MMS22L: variants seen among roughly 807,000 people sequenced by gnomAD.
MMS22L encodes MMS22 like, DNA repair protein, also known as protein MMS22-like.
A neutral mutation model predicts 159.1 loss-of-function variants in MMS22L; 74 were observed. The ratio of observed to expected loss-of-function variants is 0.47; its 90% CI spans 0.39 to 0.56. MMS22L has a LOEUF of 0.56. Among genes scored for constraint, MMS22L ranks in the 20% least tolerant of loss-of-function variants. The pLI is 0.00. For synonymous variants in MMS22L, 517 were observed against 506.9 expected, an observed-to-expected ratio of 1.02 and a Z score of -0.27; for missense variants, 1,351 against 1,422.1, an observed-to-expected ratio of 0.95 and a Z score of 0.80.
chr6:97,187,851 G>A (rs1166313330), intron 14 of MMS22L, among the ~76,000 whole-genome samples: 1 of 152,116 alleles, frequency 6.6e-6, no homozygotes, highest in East Asian at 1.9e-4. Context: ...CCAAGAGTGA[G>A]TAAAAATTCT....
chr6:97,210,814 T>C (rs1195531414), intron 14 of MMS22L, among the ~76,000 whole-genome samples: 1 of 152,000 alleles, frequency 6.6e-6, no homozygotes, highest in African/African-American at 2.4e-5. Context: ...AATTCTGAAA[T>C]AGCTGGACCA....
chr6:97,142,941 A>G lies in MMS22L; in HGVS notation c.*3865T>C, dbSNP rs1646533190. 6.6e-6 allele frequency: 1 copy of G among 152,554 alleles called. No homozygotes were observed. Among genetic ancestry groups the G allele is most frequent in the Non-Finnish European group, 1.5e-5 (1 of 68,014 alleles). The allele number at this position is 152,554 out of a possible 1,614,324, so 9.5% of individuals were successfully genotyped here. A position where few individuals can be genotyped will look rare whatever the true frequency, so the allele number is the denominator to read the frequency against. On this transcript the variant is annotated 3_prime_UTR_variant, in exon 25 of 25. Coordinates refer to ENST00000683635, the MANE Select transcript of MMS22L (RefSeq NM_001350599.2). ...AGGTAGAAAAAGTCAAATATGCTTA[A>G]GAAGAAAACATACGAAGGATAGGTA...
chr6:97,228,196 G>T (rs1810455784), intron 14 of MMS22L, among the ~76,000 whole-genome samples: 1 of 152,188 alleles, frequency 6.6e-6, no homozygotes, highest in Admixed American at 6.5e-5. Flanking sequence ...CAGAATATCT[G>T]TAACGTATCT....
chr6:97,231,227 T>A (rs1810827677), intron 13 of MMS22L, 199 bp downstream of exon 13: 1 of 528,740 alleles, frequency 1.9e-6, no homozygotes. Flanking sequence ...AAAAGTTTTA[T>A]ATGTTGAAAC....
chr6:97,238,113 T>C (rs1162794663), intron 11 of MMS22L, among the ~76,000 whole-genome samples: 1 of 152,250 alleles, frequency 6.6e-6, no homozygotes, highest in Non-Finnish European at 1.5e-5. Context: ...TGTGTGAACC[T>C]GGACAAGTTC....
At chr6:97,193,823 A>C (rs771882726) in intron 14 of MMS22L, among the ~76,000 whole-genome samples, 23 of 151,798 alleles carry the variant, frequency 1.5e-4, no homozygotes, top group Admixed American at 2.6e-4. Context: ...TGCAGTGGCA[A>C]GATCTCGGCT....
chr6:97,198,492 T>A (rs1180311717), intron 14 of MMS22L, among the ~76,000 whole-genome samples: 4 of 152,184 alleles, frequency 2.6e-5, no homozygotes, highest in Non-Finnish European at 5.9e-5. Context: ...TGTGGTGTTT[T>A]ACCCACTATG....
At chr6:97,201,285 G>T (rs1275654848) in intron 14 of MMS22L, among the ~76,000 whole-genome samples, 1 of 151,966 alleles carries the variant, frequency 6.6e-6, no homozygotes, top group Non-Finnish European at 1.5e-5. Flanking sequence ...TATAAAGAAG[G>T]TATACACTGA....
intron 14 of MMS22L, among the ~76,000 whole-genome samples, chr6:97,194,280 T>C (rs894936918): frequency 6.6e-6 from 1 of 151,600 alleles, no homozygotes; most frequent in African/African-American, 2.4e-5. Context: ...ATGGTCTTGA[T>C]ATCTTGACCT....
chr6:97,262,121 T>A (rs539075924), intron 9 of MMS22L: 1 of 152,192 alleles, frequency 6.6e-6, no homozygotes. Context: ...GGTGTAGTTG[T>A]AGGCTACCAA....
At chr6:97,245,481 C>T (rs1812521248) in intron 11 of MMS22L, among the ~76,000 whole-genome samples, 1 of 151,990 alleles carries the variant, frequency 6.6e-6, no homozygotes, top group Non-Finnish European at 1.5e-5. Context: ...TATTTCACAA[C>T]CACTTTTTAG....
intron 14 of MMS22L, among the ~76,000 whole-genome samples, chr6:97,215,109 TATA>T (rs1252122601): frequency 1.1e-4 from 9 of 80,568 alleles, no homozygotes; most frequent in Non-Finnish European, 1.9e-4. Context: ...TATATATATA[TATA>T]TATTTTTTTT....
At chr6:97,165,553 C>T (rs1562406995) in intron 20 of MMS22L, 96 bp from the exon 21 acceptor site, 7 of 967,942 alleles carry the variant, frequency 7.2e-6, no homozygotes, top group Non-Finnish European at 9.1e-6. Context: ...CATTAATAAT[C>T]ATGTGAGAAT....
chr6:97,279,779 C>A (rs1465077356), intron 3 of MMS22L, among the ~76,000 whole-genome samples: 4 of 149,866 alleles, frequency 2.7e-5, no homozygotes, highest in South Asian at 2.1e-4. Flanking sequence ...GTGTGAGACA[C>A]CCTCTCAAAA....
chr6:97,236,691 C>T (rs1375861514), intron 11 of MMS22L, among the ~76,000 whole-genome samples: 1 of 152,026 alleles, frequency 6.6e-6, no homozygotes. Context: ...GTGGCTCACA[C>T]CTGTAATCCC....
rs141750168 is a variant in MMS22L, at chr6:97,212,569, C to T, written c.2039+16325G>A. 1.2e-3 allele frequency among the ~76,000 whole-genome samples: 181 copies of T among 152,226 alleles called. 4 individuals carry two copies. The East Asian group carries it at 0.033, about 28-fold the overall frequency. ...ACTCTGTTAGACATGACATATATTA[C>T]CTTTTTTATTCTCCAAATCAGCTCT... On this transcript the variant is annotated intron_variant, in intron 14 of 24. Transcript: ENST00000683635.
At chr6:97,269,111 T>A (rs547345507) in intron 7 of MMS22L, among the ~76,000 whole-genome samples, 1 of 151,994 alleles carries the variant, frequency 6.6e-6, no homozygotes, top group South Asian at 2.1e-4. Flanking sequence ...AGAGGAAAAT[T>A]TGCAAAATAC....
chr6:97,256,873 A>C (rs754864004), intron 9 of MMS22L, among the ~76,000 whole-genome samples: 7 of 152,144 alleles, frequency 4.6e-5, no homozygotes, highest in Non-Finnish European at 1.0e-4. Context: ...CTTGAGTTCA[A>C]CAGGTTGAGG....
At chr6:97,213,590 G>A (rs1022113929) in intron 14 of MMS22L, among the ~76,000 whole-genome samples, 1 of 152,022 alleles carries the variant, frequency 6.6e-6, no homozygotes, top group African/African-American at 2.4e-5. Flanking sequence ...GTAGGGTTTA[G>A]GAAAAGAATG....
Sources: gnomAD v4.1 joint callset for allele counts (sites outside exome capture counted in the v4.1 genomes callset) on GRCh38, gnomAD v4.1.1 for gene constraint, MANE v1.5 for transcripts, NCBI Gene and HGNC (gene_info 2026-07-23, HGNC 2026-07-21) for gene names.